Variants in FGFR2 observed in about 807,000 individuals in gnomAD.
The protein encoded by FGFR2 is BEK fibroblast growth factor receptor.
FGFR2 carries 19 observed loss-of-function variants against 95.9 expected under a neutral mutation model. That is an observed-to-expected ratio of 0.20 (90% confidence interval 0.14 to 0.29). FGFR2 has a LOEUF of 0.29. Ranked by LOEUF, FGFR2 falls within the 10% of genes least tolerant of loss-of-function variation. FGFR2 has a pLI of 1.00. For missense variants in FGFR2, 707 were observed against 1,056.9 expected, an observed-to-expected ratio of 0.67 and a Z score of 4.59; for synonymous variants, 392 against 393.3, an observed-to-expected ratio of 1.00 and a Z score of 0.04.
At chr10:121,538,365 G>T (rs772052099) in intron 6 of FGFR2, 2 of 797,952 alleles carry the variant, frequency 2.5e-6, no homozygotes, top group South Asian at 1.3e-5. Flanking sequence ...CACAGATGAC[G>T]CTTGGGAACC....
At chr10:121,565,264 A>T (rs1857507333) in intron 3 of FGFR2, among the ~76,000 whole-genome samples, 174 bp downstream of exon 3, 1 of 151,982 alleles carries the variant, frequency 6.6e-6, no homozygotes, top group Admixed American at 6.6e-5. Flanking sequence ...GAATTCTATC[A>T]TTCTTAATGA....
chr10:121,565,851 C>T (rs1016552531), intron 2 of FGFR2, 147 bp from the exon 3 acceptor site: 18 of 908,206 alleles, frequency 2.0e-5, no homozygotes, highest in Non-Finnish European at 2.6e-5. Context: ...CCACCTCTCC[C>T]CAAGCCCCAG....
At chr10:121,529,790 G>A (rs1329477702) in intron 6 of FGFR2, among the ~76,000 whole-genome samples, 1 of 152,174 alleles carries the variant, frequency 6.6e-6, no homozygotes, top group Non-Finnish European at 1.5e-5. Flanking sequence ...AACTCCATGA[G>A]GGCAAAGCCT....
rs973641277 is a variant in FGFR2 at position 121,534,260 on chromosome 10, G to A, written c.748+4332C>T. 3.3e-5 allele frequency among the ~76,000 whole-genome samples: 5 copies of A among 151,718 alleles called. No homozygotes were observed. In the South Asian group the frequency reaches 6.2e-4, roughly 19 times the overall value. Reference sequence around the variant, plus strand: ...ATTACAGGTACCTGCCACCACCCCTGGGTAATTTTTGTATTTTTGGTAGAG... The same window carrying A: ...ATTACAGGTACCTGCCACCACCCCTAGGTAATTTTTGTATTTTTGGTAGAG... On this transcript the variant is annotated intron_variant, in intron 6 of 17. Coordinates refer to ENST00000358487, the MANE Select transcript of FGFR2 (RefSeq NM_000141.5).
rs1844368152 is a variant in FGFR2, at chr10:121,479,294, T to A, written c.*563A>T. The A allele has an allele frequency of 4.0e-6, 1 of 250,162 alleles. No individual in the cohort carries two copies. The highest frequency in any genetic ancestry group is 5.8e-5 in the East Asian group (1 of 17,210). 15.5% of individuals were successfully genotyped at this position (250,162 alleles called of 1,614,324 possible). A position where few individuals can be genotyped will look rare whatever the true frequency, so the allele number is the denominator to read the frequency against. On this transcript the variant is annotated 3_prime_UTR_variant, in exon 18 of 18. Coordinates refer to ENST00000358487, the MANE Select transcript of FGFR2 (RefSeq NM_000141.5). ...CTGAAAGCAAAAGTATTTTTCCACC[T>A]CTGCTCGGTGAAAATTAAGAAATTA...
rs2134603933 is a variant in FGFR2 at position 121,538,636 on chromosome 10, T to C, written c.704A>G (p.Asn235Ser). 6.2e-7 allele frequency: 1 copy of C among 1,614,182 alleles called. No individual in the cohort carries two copies. Among genetic ancestry groups the C allele is most frequent in the Non-Finnish European group, 8.5e-7 (1 of 1,180,028 alleles). Residue 235 changes from asparagine to serine, a missense_variant, in exon 6 of 18, where the codon AAT becomes AGT. Transcript: ENST00000358487. ...CGTGTGATTGATGGACCCGTATTCA[T>C]TCTCCACTACACAGGTATAATTTCC... is the stretch of plus-strand genomic sequence containing the variant. ...DKGNYTCVVENEYGSINHTYH... is the reference protein window; with the variant it reads ...DKGNYTCVVESEYGSINHTYH...
At chr10:121,487,312 G>T in intron 15 of FGFR2, 42 bp downstream of exon 15, 2 of 1,513,868 alleles carry the variant, frequency 1.3e-6, no homozygotes, top group Non-Finnish European at 1.8e-6. Context: ...TATTTTTGCA[G>T]CTCAAGCCCA....
At chr10:121,571,647 C>CAAA (rs1429168990) in intron 2 of FGFR2, among the ~76,000 whole-genome samples, 16 of 95,132 alleles carry the variant, frequency 1.7e-4, no homozygotes, top group African/African-American at 3.0e-4. Flanking sequence ...AACAAACAAA[C>CAAA]AAACAAAAAC....
chr10:121,540,477 C>T (rs772222864), intron 5 of FGFR2, among the ~76,000 whole-genome samples: 12 of 152,132 alleles, frequency 7.9e-5, no homozygotes, highest in Non-Finnish European at 1.5e-4. Context: ...AATCTTCCAG[C>T]GCAATGAGAA....
chr10:121,598,101 G>A lies in FGFR2; in HGVS notation c.-290C>T, dbSNP rs1404507009. On this transcript the variant is annotated 5_prime_UTR_variant, in exon 1 of 18. Transcript: ENST00000358487. Reference sequence around the variant, plus strand: ...GTCCTTGGGTCTTCGCCGGCGCCAAGCCTCCCGGGCTTCACGCGTACCCCA... The same window carrying A: ...GTCCTTGGGTCTTCGCCGGCGCCAAACCTCCCGGGCTTCACGCGTACCCCA... The A allele has an allele frequency of 7.5e-6, 3 of 398,154 alleles. No homozygotes were observed. Among genetic ancestry groups the A allele is most frequent in the African/African-American group, 4.1e-5 (2 of 48,612 alleles). The allele number at this position is 398,154 out of a possible 1,614,324, so 24.7% of individuals were successfully genotyped here.
At chr10:121,538,817 G>C (rs1853255866) in intron 5 of FGFR2, 102 bp from the exon 6 acceptor site, 1 of 1,482,216 alleles carries the variant, frequency 6.7e-7, no homozygotes, top group African/African-American at 1.4e-5. Context: ...GGCAAGAAAG[G>C]TATGGAAGAA....
Position 121,565,527 on chromosome 10 carries a change from C to A in FGFR2, c.287G>T (p.Gly96Val), listed in dbSNP as rs1277734487. ...VLIGEYLQIKGATPRDSGLYA... is the reference protein window; with the variant it reads ...VLIGEYLQIKVATPRDSGLYA... ...GAGGCCGGAGTCTCTAGGCGTGGCGCCCTTTATCTGCAAGTACTCCCCAAT... is the reference window on the plus strand; with the variant it reads ...GAGGCCGGAGTCTCTAGGCGTGGCGACCTTTATCTGCAAGTACTCCCCAAT... Residue 96 changes from glycine (G) to valine (V), a missense_variant, in exon 3 of 18, where the codon GGC becomes GTC. Around this residue, in one of 7 missense-constraint regions of FGFR2, gnomAD observed 178 missense variants for 194.1 expected, o/e 0.92. Coordinates refer to ENST00000358487, the MANE Select transcript of FGFR2 (RefSeq NM_000141.5). 18 of 1,614,082 alleles carry A rather than the reference C, an allele frequency of 1.1e-5. 1 individual carries two copies. In the Admixed American group the frequency reaches 2.7e-4, roughly 24 times the overall value.
chr10:121,577,174 T>TAGAGAGAGAGAGAG (rs1426070759), intron 2 of FGFR2, among the ~76,000 whole-genome samples: 33 of 4,784 alleles, frequency 6.9e-3, no homozygotes, highest in Non-Finnish European at 0.011. Context: ...TATATATATA[T>TAGAGAGAGAGAGAG]ATATAGAGAG....
chr10:121,529,341 C>A (rs1279617384), intron 6 of FGFR2, among the ~76,000 whole-genome samples: 1 of 152,126 alleles, frequency 6.6e-6, no homozygotes, highest in Non-Finnish European at 1.5e-5. Flanking sequence ...AACTCCTGAT[C>A]TCAAATGATC....
chr10:121,576,017 G>A lies in FGFR2; in HGVS notation c.110-10313C>T, dbSNP rs536870839. Among the ~76,000 whole-genome samples, 8 of 150,068 alleles carry A rather than the reference G, an allele frequency of 5.3e-5. 1 individual carries two copies. Among genetic ancestry groups the A allele is most frequent in the South Asian group, 2.1e-4 (1 of 4,710 alleles). ...AGCCTGACCAACATGGAGAAACCCC[G>A]TCTCTACTAAAAATACAAAATTAGC... On this transcript the variant is annotated intron_variant, in intron 2 of 17. Coordinates refer to ENST00000358487, the MANE Select transcript of FGFR2 (RefSeq NM_000141.5).
intron 13 of FGFR2, 100 bp from the exon 14 acceptor site, chr10:121,488,213 G>T (rs2133842824): frequency 6.5e-7 from 1 of 1,530,276 alleles, no homozygotes; most frequent in Admixed American, 1.7e-5. Context: ...AGAAAATATA[G>T]CTGATGTTAA....
chr10:121,572,775 G>A (rs2420944), intron 2 of FGFR2, among the ~76,000 whole-genome samples: 128,888 of 152,232 alleles, frequency 0.85, 56,222 homozygotes, highest in East Asian at 0.97. Flanking sequence ...TGGGGAGAGA[G>A]AGAAACTGAG....
chr10:121,480,441 G>A, intron 17 of FGFR2: 1 of 282,876 alleles, frequency 3.5e-6, no homozygotes. Context: ...TGCTTCAAAT[G>A]CGAGCCCCAG....
chr10:121,582,369 T>G (rs901396738), intron 2 of FGFR2, among the ~76,000 whole-genome samples: 3 of 152,080 alleles, frequency 2.0e-5, no homozygotes, highest in African/African-American at 7.2e-5. Context: ...ATGAAAAAAC[T>G]CAAAGAAACC....
Sources: allele counts gnomAD v4.1 joint callset (sites outside exome capture counted in the v4.1 genomes callset), GRCh38; gene constraint gnomAD v4.1.1; regional missense constraint gnomAD v4.1.1; transcripts MANE v1.5; gene names NCBI Gene and HGNC (gene_info 2026-07-23, HGNC 2026-07-21).